The following QTGAL variants were observed in gnomAD, a reference collection of about 807,000 sequenced individuals.
The protein encoded by QTGAL is queuosine-tRNA galactosyltransferase, also known as BGnT-like protein 1.
chr17:83,033,446 T>G, the QTGAL span, among the ~76,000 whole-genome samples: 1 of 152,014 alleles, frequency 6.6e-6, no homozygotes, highest in Non-Finnish European at 1.5e-5. Flanking sequence ...TGGCATCAAC[T>G]TAGACTGTCC....
the QTGAL span, chr17:83,048,443 G>A: frequency 6.4e-7 from 1 of 1,555,112 alleles, no homozygotes; most frequent in Non-Finnish European, 8.9e-7. Flanking sequence ...ACGAATTATA[G>A]TTTAATAAAC....
At chr17:82,959,296 A>C in the QTGAL span, among the ~76,000 whole-genome samples, 2 of 151,858 alleles carry the variant, frequency 1.3e-5, no homozygotes, top group African/African-American at 2.4e-5. Context: ...GTATGAGTAC[A>C]TGTATGCAGT....
At chr17:82,997,930 AATAT>A in the QTGAL span, among the ~76,000 whole-genome samples, 1,795 of 131,618 alleles carry the variant, frequency 0.014, 29 homozygotes, top group African/African-American at 0.05. Context: ...TAAAAAAAAA[AATAT>A]ATATATATAT....
the QTGAL span, among the ~76,000 whole-genome samples, chr17:82,951,352 T>C: frequency 6.6e-6 from 1 of 152,224 alleles, no homozygotes; most frequent in Non-Finnish European, 1.5e-5. Context: ...TTAAGCCTTG[T>C]GGGCCAACCT....
At chr17:82,961,384 G>T in the QTGAL span, 1 of 261,552 alleles carries the variant, frequency 3.8e-6, no homozygotes, top group African/African-American at 2.4e-5. Context: ...CCACAGGCGG[G>T]AAAGAGGGGA....
the QTGAL span, among the ~76,000 whole-genome samples, chr17:82,963,041 G>A: frequency 6.6e-6 from 1 of 152,202 alleles, no homozygotes; most frequent in South Asian, 2.1e-4. Flanking sequence ...CGGGGCGCAG[G>A]GAGAGGGGGA....
At chr17:82,970,532 G>GACGCGACCT in the QTGAL span, among the ~76,000 whole-genome samples, 2 of 133,612 alleles carry the variant, frequency 1.5e-5, 1 homozygote, top group African/African-American at 7.0e-5. Context: ...ACCCAGCGTG[G>GACGCGACCT]CCGCGACCTC....
chr17:83,025,835 T>C, the QTGAL span, among the ~76,000 whole-genome samples: 47 of 152,356 alleles, frequency 3.1e-4, no homozygotes, highest in African/African-American at 1.1e-3. Context: ...GTGCCAGTCG[T>C]GTCCGGGTGA....
chr17:83,047,707 T>C, the QTGAL span, among the ~76,000 whole-genome samples: 3 of 146,766 alleles, frequency 2.0e-5, no homozygotes, highest in Non-Finnish European at 4.5e-5. Context: ...TTTAGGTCTA[T>C]AATAAATCCC....
the QTGAL span, among the ~76,000 whole-genome samples, chr17:83,008,093 A>G: frequency 6.6e-6 from 1 of 152,256 alleles, no homozygotes; most frequent in South Asian, 2.1e-4. Flanking sequence ...GGCGCAGGGA[A>G]GAGGTGCGCT....
chr17:83,032,213 C>T, the QTGAL span, among the ~76,000 whole-genome samples: 17 of 81,616 alleles, frequency 2.1e-4, no homozygotes, highest in South Asian at 1.0e-3. Flanking sequence ...GCCAGGCCTC[C>T]GACCCAGACC....
chr17:82,970,541 TCCGCACCCGGCG>T, the QTGAL span, among the ~76,000 whole-genome samples: 1 of 147,926 alleles, frequency 6.8e-6, no homozygotes, highest in African/African-American at 2.6e-5. Flanking sequence ...GGCCGCGACC[TCCGCACCCGGCG>T]TGGCCGCGAC....
the QTGAL span, among the ~76,000 whole-genome samples, chr17:82,971,316 G>A: frequency 1.3e-5 from 2 of 152,206 alleles, no homozygotes; most frequent in Non-Finnish European, 2.9e-5. Flanking sequence ...CCGTGAGGAC[G>A]GAGCAGGGAC....
chr17:82,970,139 A>G, the QTGAL span, among the ~76,000 whole-genome samples: 40,847 of 152,138 alleles, frequency 0.27, 5,817 homozygotes, highest in East Asian at 0.4. Context: ...TGCCTGTCAC[A>G]CAGGGTGCCC....
chr17:82,978,015 G>A, the QTGAL span, among the ~76,000 whole-genome samples: 1 of 152,182 alleles, frequency 6.6e-6, no homozygotes, highest in African/African-American at 2.4e-5. The surrounding 1 kb of genome is among the most constrained non-coding windows in gnomAD (Gnocchi z 4.8). Flanking sequence ...GCAGTGGGTG[G>A]TCACCATGCG....
chr17:83,011,632 G>C, the QTGAL span: 5 of 152,214 alleles, frequency 3.3e-5, no homozygotes, highest in African/African-American at 1.2e-4. Flanking sequence ...CTCCAGAAGA[G>C]CTTCGACGTG....
At chr17:83,050,299 G>A in the QTGAL span, among the ~76,000 whole-genome samples, 1 of 152,190 alleles carries the variant, frequency 6.6e-6, no homozygotes, top group African/African-American at 2.4e-5. Context: ...GAACCCGGGA[G>A]GCAGAGGTTG....
At chr17:82,973,542 C>T in the QTGAL span, among the ~76,000 whole-genome samples, 1 of 146,018 alleles carries the variant, frequency 6.8e-6, no homozygotes, top group African/African-American at 2.5e-5. Context: ...GATTGGAGTC[C>T]GGCTCTCACC....
At chr17:83,000,644 T>C in the QTGAL span, among the ~76,000 whole-genome samples, 23 of 152,356 alleles carry the variant, frequency 1.5e-4, no homozygotes, top group South Asian at 4.8e-3. Context: ...CACATCTTTT[T>C]GTTAGTGTTT....
Sources: gnomAD v4.1 joint callset for allele counts (sites outside exome capture counted in the v4.1 genomes callset) on GRCh38, gnomAD v4.1.1 for gene constraint, Gnocchi (gnomAD v3.1) non-coding constraint, MANE v1.5 for transcripts, NCBI Gene and HGNC (gene_info 2026-07-23, HGNC 2026-07-21) for gene names.